DZIP1: variants seen among roughly 807,000 people sequenced by gnomAD.
The protein encoded by DZIP1 is cilium assembly protein DZIP1.
A neutral mutation model predicts 107.6 loss-of-function variants in DZIP1; 97 were observed. The observed-to-expected ratio is 0.90, with a 90% confidence interval of 0.77 to 1.07. The LOEUF is 1.07. Among genes scored for constraint, DZIP1 ranks in the 50% least tolerant of loss-of-function variants. The pLI is 0.00. For missense variants in DZIP1, 1,035 were observed against 1,063.6 expected, an observed-to-expected ratio of 0.97 and a Z score of 0.37; for synonymous variants, 390 against 386.4, an observed-to-expected ratio of 1.01 and a Z score of -0.11.
chr13:95,644,175 CGA>C (rs930153542), intron 1 of DZIP1, among the ~76,000 whole-genome samples, 200 bp downstream of exon 1: 28 of 152,340 alleles, frequency 1.8e-4, no homozygotes, highest in Non-Finnish European at 2.8e-4. Flanking sequence ...AGACAAAAGC[CGA>C]GAGACGCGGG....
At chr13:95,582,504 C>T (rs1204359664) in intron 22 of DZIP1, among the ~76,000 whole-genome samples, 191 bp from the exon 23 acceptor site, 2 of 152,158 alleles carry the variant, frequency 1.3e-5, no homozygotes, top group African/African-American at 4.8e-5. Flanking sequence ...GTGAACTGGT[C>T]GCATCTCTAG....
intron 5 of DZIP1, among the ~76,000 whole-genome samples, chr13:95,639,465 C>A (rs1878218203): frequency 6.6e-6 from 1 of 151,930 alleles, no homozygotes; most frequent in Non-Finnish European, 1.5e-5. Flanking sequence ...GTGGTGCACA[C>A]CTGTAGTCCC....
chr13:95,639,514 G>A (rs1249240215), intron 5 of DZIP1, among the ~76,000 whole-genome samples: 6 of 151,006 alleles, frequency 4.0e-5, no homozygotes, highest in African/African-American at 9.7e-5. Flanking sequence ...TCGCTTGAAC[G>A]CGGGAGAAGG....
In DZIP1 at chr13:95,584,767, G is replaced by T. The variant is rs554454725; in HGVS notation, c.2493C>A (p.Gly831=). 3 of 1,613,848 alleles carry T rather than the reference G, an allele frequency of 1.9e-6. No individual in the cohort carries two copies. Among genetic ancestry groups the T allele is most frequent in the Non-Finnish European group, 2.5e-6 (3 of 1,179,908 alleles). ...CCTTTGGCCCCTTAGGATTAAATGC[G>T]CCCCAGGCATTTAGCACATGAGCAA... ...PHFAHVLNAW[G]AFNPKGPKGE... The change falls in exon 22 of 23, where the codon GGC becomes GGA. Residue 831 remains glycine (G), a synonymous_variant. Transcript: ENST00000376829.
chr13:95,600,621 T>TAGACAGACAGACAGAC (rs1440542990), intron 14 of DZIP1, among the ~76,000 whole-genome samples: 3 of 100,964 alleles, frequency 3.0e-5, no homozygotes, highest in Admixed American at 1.1e-4. Context: ...GATAGATAGA[T>TAGACAGACAGACAGAC]AGATAGATAG....
At chr13:95,643,928 G>A (rs148530846) in intron 1 of DZIP1, among the ~76,000 whole-genome samples, 5 of 152,206 alleles carry the variant, frequency 3.3e-5, no homozygotes, top group Non-Finnish European at 7.3e-5. Flanking sequence ...AGATCTGGGC[G>A]CAGAGGCCTG....
intron 22 of DZIP1, among the ~76,000 whole-genome samples, chr13:95,582,722 A>G (rs979555521): frequency 6.6e-6 from 1 of 152,242 alleles, no homozygotes; most frequent in Non-Finnish European, 1.5e-5. Context: ...AAAGTGTTAA[A>G]AACATATTTT....
intron 18 of DZIP1, among the ~76,000 whole-genome samples, 194 bp from the exon 19 acceptor site, chr13:95,589,401 T>C (rs1487566801): frequency 6.6e-6 from 1 of 152,338 alleles, no homozygotes; most frequent in Admixed American, 6.5e-5. Context: ...AACACTGTTA[T>C]GGACTCAATG....
chr13:95,593,977 C>A lies in DZIP1; in HGVS notation c.1647G>T (p.Leu549Phe). The A allele has an allele frequency of 2.5e-6, 4 of 1,610,838 alleles. No homozygotes were observed. Among genetic ancestry groups the A allele is most frequent in the Admixed American group, 1.7e-5 (1 of 59,366 alleles). ...KGLRTMVEQN[L>F]MEKLETLGIN... ...TCCCCAAGGTTTCCAGTTTCTCCATCAAGTTCTGCTCCACCATTGTTCTTA... is the reference window on the plus strand; with the variant it reads ...TCCCCAAGGTTTCCAGTTTCTCCATAAAGTTCTGCTCCACCATTGTTCTTA... Residue 549 changes from leucine (L) to phenylalanine (F), a missense_variant, in exon 16 of 23, where the codon TTG becomes TTT. Coordinates refer to ENST00000376829, the MANE Select transcript of DZIP1 (RefSeq NM_198968.4).
chr13:95,604,428 C>A (rs987562538), intron 14 of DZIP1, among the ~76,000 whole-genome samples: 4 of 152,228 alleles, frequency 2.6e-5, no homozygotes, highest in African/African-American at 7.2e-5. Context: ...CTGAGATGCT[C>A]ACAAATAAGC....
At chr13:95,640,876 T>G (rs948470210) in intron 5 of DZIP1, among the ~76,000 whole-genome samples, 3 of 152,184 alleles carry the variant, frequency 2.0e-5, no homozygotes, top group Non-Finnish European at 4.4e-5. Context: ...TACAGTCTCC[T>G]GGCAACTTTT....
chr13:95,629,883 T>C, intron 7 of DZIP1, 106 bp downstream of exon 7: 1 of 1,207,732 alleles, frequency 8.3e-7, no homozygotes, highest in Non-Finnish European at 1.1e-6. Flanking sequence ...AATCATCTTG[T>C]CAAATTCACA....
chr13:95,630,399 C>A (rs138941952), intron 6 of DZIP1, among the ~76,000 whole-genome samples: 4 of 152,052 alleles, frequency 2.6e-5, no homozygotes, highest in Admixed American at 1.3e-4. Flanking sequence ...ATAATGGTAA[C>A]AAGGAATAAT....
intron 7 of DZIP1, among the ~76,000 whole-genome samples, chr13:95,625,451 A>T (rs186521012): frequency 6.6e-6 from 1 of 152,326 alleles, no homozygotes; most frequent in Admixed American, 6.5e-5. Flanking sequence ...CCTAACACAC[A>T]TATACAGAAC....
intron 17 of DZIP1, 50 bp downstream of exon 17, chr13:95,590,229 A>T: frequency 1.3e-6 from 2 of 1,487,240 alleles, no homozygotes; most frequent in Non-Finnish European, 1.8e-6. Flanking sequence ...GAAGAAAAAA[A>T]GAAAAAGTTG....
chr13:95,589,364 T>C (rs1351851684), intron 18 of DZIP1, among the ~76,000 whole-genome samples, 157 bp from the exon 19 acceptor site: 1 of 152,210 alleles, frequency 6.6e-6, no homozygotes, highest in Non-Finnish European at 1.5e-5. Flanking sequence ...CTGGTAGGAA[T>C]TACAAGTGTG....
intron 1 of DZIP1, among the ~76,000 whole-genome samples, chr13:95,644,004 C>G (rs996269191): frequency 1.2e-4 from 19 of 152,268 alleles, no homozygotes; most frequent in African/African-American, 4.6e-4. Flanking sequence ...CCGCTGACCA[C>G]CCCTTTCCCC....
chr13:95,590,212 G>T (rs1219270124), intron 17 of DZIP1, 67 bp downstream of exon 17: 21 of 1,398,880 alleles, frequency 1.5e-5, no homozygotes, highest in Non-Finnish European at 2.0e-5. Context: ...ATCTTGTGGT[G>T]AAAAAAGAAG....
At chr13:95,584,168 C>T (rs987846301) in intron 22 of DZIP1, among the ~76,000 whole-genome samples, 3 of 151,306 alleles carry the variant, frequency 2.0e-5, no homozygotes, top group African/African-American at 7.3e-5. Context: ...GCAGAGACAG[C>T]GTTTCACCAT....
Sources: gnomAD v4.1 joint callset for allele counts (sites outside exome capture counted in the v4.1 genomes callset) on GRCh38, gnomAD v4.1.1 for gene constraint, MANE v1.5 for transcripts, NCBI Gene and HGNC (gene_info 2026-07-23, HGNC 2026-07-21) for gene names.